The following ZNF121 variants were observed in gnomAD, a reference collection of about 807,000 sequenced individuals.
ZNF121 encodes zinc finger protein 121.
ZNF121 carries 1 observed loss-of-function variant against 2.4 expected under a neutral mutation model. The observed-to-expected ratio is 0.41, with a 90% confidence interval of 0.15 to 1.94. The LOEUF is 1.94. Among genes scored for constraint, ZNF121 ranks in the 30% most tolerant of loss-of-function variants. The pLI is 0.30. For missense variants in ZNF121, 369 were observed against 466.3 expected, an observed-to-expected ratio of 0.79 and a Z score of 1.92; for synonymous variants, 173 against 158.6, an observed-to-expected ratio of 1.09 and a Z score of -0.68.
intron 1 of ZNF121, among the ~76,000 whole-genome samples, chr19:9,570,419 G>C (rs1411964684): frequency 6.6e-6 from 1 of 152,140 alleles, no homozygotes; most frequent in Non-Finnish European, 1.5e-5. Context: ...TGTTGACAGA[G>C]CAGAAGACAC....
chr19:9,580,303 A>G (rs1010687376), intron 1 of ZNF121, among the ~76,000 whole-genome samples: 1 of 151,868 alleles, frequency 6.6e-6, no homozygotes, highest in Non-Finnish European at 1.5e-5. Context: ...AAAGAAAAAA[A>G]GAAAAAAAAA....
In ZNF121 at chr19:9,565,204, C is replaced by T. The variant is rs1483393050; in HGVS notation, c.*736G>A. On this transcript the variant is annotated 3_prime_UTR_variant, in exon 4 of 4. Coordinates refer to ENST00000320451, the MANE Select transcript of ZNF121 (RefSeq NM_001008727.5). ...TCAATAGGGTTTCTCTTCTCCATTGCAACATCTTATATACTTAGAAAGGCC... is the reference window on the plus strand; with the variant it reads ...TCAATAGGGTTTCTCTTCTCCATTGTAACATCTTATATACTTAGAAAGGCC... 1 of 151,762 alleles carries T rather than the reference C, an allele frequency of 6.6e-6. No individual in the cohort carries two copies. The highest frequency in any genetic ancestry group is 1.9e-4 in the East Asian group (1 of 5,172). The allele number at this position is 151,762 out of a possible 1,614,324, so 9.4% of individuals were successfully genotyped here.
chr19:9,570,953 A>C (rs936702628), intron 1 of ZNF121, among the ~76,000 whole-genome samples: 45 of 152,246 alleles, frequency 3.0e-4, no homozygotes, highest in African/African-American at 8.7e-4. Context: ...TTTAATCACC[A>C]AACACAAGGT....
chr19:9,577,242 G>A (rs1021250626), intron 1 of ZNF121, among the ~76,000 whole-genome samples: 1 of 151,958 alleles, frequency 6.6e-6, no homozygotes, highest in Non-Finnish European at 1.5e-5. Context: ...TTAGGAGTTT[G>A]AGACCAGCCT....
At position 9,564,357 on chromosome 19, in the gene ZNF121, AAC is replaced by A. The variant is rs2074116901; in HGVS notation, c.*1581_*1582del. The A allele has an allele frequency of 1.3e-5, 2 of 152,292 alleles. No individual in the cohort carries two copies. Among genetic ancestry groups the A allele is most frequent in the African/African-American group, 4.8e-5 (2 of 41,548 alleles). 9.4% of individuals were successfully genotyped at this position (152,292 alleles called of 1,614,324 possible). On this transcript the variant is annotated 3_prime_UTR_variant, in exon 4 of 4. Transcript: ENST00000320451. ...TACCCACTTGTACTCCAGCATGAAC[AAC>A]ACAGCGAGACCTTGTCTCTAAAAAA... is the stretch of plus-strand genomic sequence containing the variant.
chr19:9,568,111 G>T lies in ZNF121; in HGVS notation c.-14C>A. On this transcript the variant is annotated 5_prime_UTR_variant, in exon 3 of 4. Coordinates refer to ENST00000320451, the MANE Select transcript of ZNF121 (RefSeq NM_001008727.5). ...TAATCTTACCATTTGTATGCCGTTT[G>T]ATGTTTTGTTAAGCCAAAAAAAAAT... The T allele has an allele frequency of 1.3e-6, 2 of 1,540,982 alleles. No homozygotes were observed. The highest frequency in any genetic ancestry group is 2.5e-5 in the South Asian group (2 of 81,052).
intron 1 of ZNF121, among the ~76,000 whole-genome samples, chr19:9,577,046 G>A (rs1329756340): frequency 2.6e-5 from 4 of 152,074 alleles, no homozygotes; most frequent in Non-Finnish European, 4.4e-5. Context: ...AATACAACTC[G>A]AATTCCTCAA....
intron 1 of ZNF121, among the ~76,000 whole-genome samples, chr19:9,572,312 C>T (rs1282274902): frequency 6.6e-6 from 1 of 152,150 alleles, no homozygotes; most frequent in Non-Finnish European, 1.5e-5. Context: ...AAAATTTCTA[C>T]CAATTCACAG....
At chr19:9,582,726 G>C (rs905496495) in intron 1 of ZNF121, among the ~76,000 whole-genome samples, 2 of 146,762 alleles carry the variant, frequency 1.4e-5, no homozygotes, top group Non-Finnish European at 3.0e-5. Flanking sequence ...CCCGACCCGG[G>C]TAGCAGAGCG....
chr19:9,577,941 C>T (rs898684752), intron 1 of ZNF121, among the ~76,000 whole-genome samples: 1 of 151,806 alleles, frequency 6.6e-6, no homozygotes, highest in East Asian at 1.9e-4. Flanking sequence ...GCCTGTAATC[C>T]CAGCACTCTG....
chr19:9,572,634 G>T (rs1008555957), intron 1 of ZNF121, among the ~76,000 whole-genome samples: 1 of 152,164 alleles, frequency 6.6e-6, no homozygotes, highest in African/African-American at 2.4e-5. Context: ...CCTTCCCACA[G>T]TGCTGGAATA....
At position 9,573,685 on chromosome 19, in the gene ZNF121, T is replaced by G. The variant is rs554415284; in HGVS notation, c.-159-4603A>C. Reference sequence around the variant, plus strand: ...CAAACAGATTCAATCCAAATGAGACTACTACAAAGCATACAATCTTCAGAC... The same window carrying G: ...CAAACAGATTCAATCCAAATGAGACGACTACAAAGCATACAATCTTCAGAC... On this transcript the variant is annotated intron_variant, in intron 1 of 3. Coordinates refer to ENST00000320451, the MANE Select transcript of ZNF121 (RefSeq NM_001008727.5). 5.9e-5 allele frequency among the ~76,000 whole-genome samples: 9 copies of G among 152,238 alleles called. No individual in the cohort carries two copies. The East Asian group carries it at 1.5e-3, about 26-fold the overall frequency.
chr19:9,579,396 T>A (rs2074233575), intron 1 of ZNF121, among the ~76,000 whole-genome samples: 1 of 151,930 alleles, frequency 6.6e-6, no homozygotes, highest in Non-Finnish European at 1.5e-5. Context: ...TATGCACACA[T>A]AAAACCTGTC....
intron 1 of ZNF121, among the ~76,000 whole-genome samples, chr19:9,570,743 A>C (rs1045078594): frequency 6.9e-6 from 1 of 145,626 alleles, no homozygotes; most frequent in African/African-American, 2.5e-5. Context: ...ATTTTTTGCG[A>C]GGGGGGGGGG....
At chr19:9,567,754 C>A in intron 3 of ZNF121, 1 of 262,082 alleles carries the variant, frequency 3.8e-6, no homozygotes. Flanking sequence ...AAGGAGCACA[C>A]AATCTAGAAC....
At chr19:9,572,983 G>A (rs1034034344) in intron 1 of ZNF121, among the ~76,000 whole-genome samples, 1 of 152,106 alleles carries the variant, frequency 6.6e-6, no homozygotes, top group African/African-American at 2.4e-5. Flanking sequence ...CCACGGCACT[G>A]CAACCTGGGT....
In ZNF121 at chr19:9,567,059, T is replaced by G. The variant is rs1029555689; in HGVS notation, c.54A>C (p.Glu18Asp). 1.4e-5 allele frequency: 22 copies of G among 1,613,846 alleles called. No homozygotes were observed. Among genetic ancestry groups the G allele is most frequent in the East Asian group, 2.2e-5 (1 of 44,892 alleles). ...TAAGGCATGAGTGTTCACTGAAGAT[T>G]TCTCCATTTTCCATAAAGTCACAGA... Reference protein sequence around the residue: ...GELCDFMENGEIFSEHSCLNA... With the variant: ...GELCDFMENGDIFSEHSCLNA... The change falls in exon 4 of 4, where the codon GAA becomes GAC. Residue 18 changes from glutamate to aspartate, a missense_variant. Around this residue, in one of 4 missense-constraint regions of ZNF121, gnomAD observed 168 missense variants for 162.3 expected, o/e 1.03. Transcript: ENST00000320451.
intron 1 of ZNF121, among the ~76,000 whole-genome samples, chr19:9,575,230 G>C (rs2074202124): frequency 6.6e-6 from 1 of 152,100 alleles, no homozygotes; most frequent in Non-Finnish European, 1.5e-5. Flanking sequence ...GACCAGCGTG[G>C]TCAACATGGT....
At chr19:9,573,652 G>T (rs2074189392) in intron 1 of ZNF121, among the ~76,000 whole-genome samples, 1 of 152,182 alleles carries the variant, frequency 6.6e-6, no homozygotes, top group Non-Finnish European at 1.5e-5. Context: ...AGGAAGGTAA[G>T]ATGACACCAA....
Sources: allele counts gnomAD v4.1 joint callset (sites outside exome capture counted in the v4.1 genomes callset), GRCh38; gene constraint gnomAD v4.1.1; regional missense constraint gnomAD v4.1.1; transcripts MANE v1.5; gene names NCBI Gene and HGNC (gene_info 2026-07-23, HGNC 2026-07-21).